DGKI: variants seen among roughly 807,000 people sequenced by gnomAD.
DGKI encodes the protein diacylglycerol kinase iota, also known as DAG kinase iota.
DGKI carries 55 observed loss-of-function variants against 147.5 expected under a neutral mutation model. The observed-to-expected ratio is 0.37, with a 90% CI of 0.30 to 0.47. The LOEUF (loss-of-function observed/expected upper bound fraction) is 0.47. Among genes scored for constraint, DGKI ranks in the 20% least tolerant of loss-of-function variants. The pLI, the probability that DGKI is intolerant of heterozygous loss-of-function variation, is 1.00. For synonymous variants in DGKI, 469 were observed against 477.1 expected, an observed-to-expected ratio of 0.98 and a Z score of 0.22; for missense variants, 1,007 against 1,323.8, an observed-to-expected ratio of 0.76 and a Z score of 3.71.
At chr7:137,800,151 T>C (rs565847845) in intron 1 of DGKI, among the ~76,000 whole-genome samples, 9 of 151,842 alleles carry the variant, frequency 5.9e-5, no homozygotes, top group African/African-American at 2.2e-4. Context: ...AAGGTTGGAG[T>C]TGAGATTGTT....
chr7:137,493,066 C>T (rs1424919965), intron 21 of DGKI, among the ~76,000 whole-genome samples: 2 of 152,166 alleles, frequency 1.3e-5, no homozygotes, highest in Admixed American at 6.5e-5. Flanking sequence ...ACCTTGCCTA[C>T]CCTTCCCTGC....
chr7:137,752,443 T>C lies in DGKI; in HGVS notation c.402-62441A>G, dbSNP rs555053397. On this transcript the variant is annotated intron_variant, in intron 1 of 32. Transcript: ENST00000614521. ...CGCTAAGGGAGGAGACCACCCCTCATATTGTCTTATGCCCAATTTCTGCCT... is the reference window on the plus strand; with the variant it reads ...CGCTAAGGGAGGAGACCACCCCTCACATTGTCTTATGCCCAATTTCTGCCT... Among the ~76,000 whole-genome samples, 4 of 152,308 alleles carry C rather than the reference T, an allele frequency of 2.6e-5. No homozygotes were observed. The East Asian group carries it at 7.7e-4, about 29-fold the overall frequency.
intron 1 of DGKI, among the ~76,000 whole-genome samples, chr7:137,836,321 T>C (rs1563220353): frequency 6.6e-6 from 1 of 152,354 alleles, no homozygotes; most frequent in South Asian, 2.1e-4. Context: ...CCTTTGGAAC[T>C]TTCTAGGTGT....
Position 137,767,139 on chromosome 7 carries a change from G to T in DGKI, c.402-77137C>A, listed in dbSNP as rs990377937. 2.0e-5 allele frequency among the ~76,000 whole-genome samples: 3 copies of T among 152,210 alleles called. No individual in the cohort carries two copies. The South Asian group carries it at 6.2e-4, about 32-fold the overall frequency. ...GCCACCCACGGAAGTTATCCTGTCA[G>T]CTCTTCAGAGCCTTGTTCATGTATG... On this transcript the variant is annotated intron_variant, in intron 1 of 32. Transcript: ENST00000614521.
intron 1 of DGKI, among the ~76,000 whole-genome samples, chr7:137,807,594 T>G (rs1797422060): frequency 6.6e-6 from 1 of 152,154 alleles, no homozygotes; most frequent in African/African-American, 2.4e-5. Flanking sequence ...CTGGGGACCC[T>G]GTTAAAATGC....
chr7:137,662,608 C>A (rs984807740), intron 3 of DGKI, among the ~76,000 whole-genome samples: 2 of 152,146 alleles, frequency 1.3e-5, no homozygotes, highest in Non-Finnish European at 2.9e-5. Context: ...TCTCATGATT[C>A]CAGACCAAGG....
At chr7:137,687,445 G>C (rs1171907940) in intron 2 of DGKI, among the ~76,000 whole-genome samples, 2 of 152,188 alleles carry the variant, frequency 1.3e-5, no homozygotes, top group African/African-American at 2.4e-5. Flanking sequence ...GGAGGAGAGG[G>C]AATGGCACAG....
chr7:137,594,533 A>G (rs1344727119), intron 12 of DGKI, among the ~76,000 whole-genome samples: 2 of 152,140 alleles, frequency 1.3e-5, no homozygotes, highest in East Asian at 3.9e-4. Context: ...AAAAATATTC[A>G]ATTTCTGATT....
chr7:137,718,918 T>A (rs1030929130), intron 1 of DGKI, among the ~76,000 whole-genome samples: 1 of 152,212 alleles, frequency 6.6e-6, no homozygotes, highest in Non-Finnish European at 1.5e-5. Context: ...TTCAGTATGA[T>A]GGACTTCTGT....
At chr7:137,556,467 G>A (rs2128968475) in intron 19 of DGKI, among the ~76,000 whole-genome samples, 1 of 152,120 alleles carries the variant, frequency 6.6e-6, no homozygotes, top group South Asian at 2.1e-4. Flanking sequence ...AAAATTCCAA[G>A]AAAATTCACA....
chr7:137,816,053 T>C (rs1031319468), intron 1 of DGKI, among the ~76,000 whole-genome samples: 11 of 152,202 alleles, frequency 7.2e-5, no homozygotes, highest in African/African-American at 2.7e-4. Context: ...ATCCTTTTCA[T>C]GTTAGCCTTC....
rs188021363 is a variant in DGKI at position 137,384,447 on chromosome 7, T to G, written c.*6773A>C. On this transcript the variant is annotated 3_prime_UTR_variant, in exon 33 of 33. Transcript: ENST00000614521. ...TTCTATATTATGGAAATCTGAACAA[T>G]TGATATAAAACATCCTTGAAGGCAA... 3 of 151,822 alleles carry G rather than the reference T, an allele frequency of 2.0e-5. No individual in the cohort carries two copies. The highest frequency in any genetic ancestry group is 7.3e-5 in the African/African-American group (3 of 41,368). The allele number at this position is 151,822 out of a possible 1,614,324, so 9.4% of individuals were successfully genotyped here. A position where few individuals can be genotyped will look rare whatever the true frequency, so the allele number is the denominator to read the frequency against.
chr7:137,426,002 C>A (rs1812787128), intron 28 of DGKI, among the ~76,000 whole-genome samples: 1 of 152,116 alleles, frequency 6.6e-6, no homozygotes, highest in African/African-American at 2.4e-5. Context: ...AGAACTTCCC[C>A]AATCTAAAAA....
intron 19 of DGKI, among the ~76,000 whole-genome samples, chr7:137,563,503 C>A (rs1818484912): frequency 6.6e-6 from 1 of 151,440 alleles, no homozygotes; most frequent in South Asian, 2.1e-4. Flanking sequence ...CTATTTCAAA[C>A]AATATAATTG....
chr7:137,779,585 T>C (rs1796458681), intron 1 of DGKI, among the ~76,000 whole-genome samples: 1 of 152,122 alleles, frequency 6.6e-6, no homozygotes, highest in Non-Finnish European at 1.5e-5. Flanking sequence ...TGTATCCAGA[T>C]TTTTTTAACT....
At chr7:137,611,646 T>C (rs1820367929) in intron 8 of DGKI, among the ~76,000 whole-genome samples, 1 of 152,142 alleles carries the variant, frequency 6.6e-6, no homozygotes, top group Non-Finnish European at 1.5e-5. Flanking sequence ...GGGACAGTTA[T>C]GAAGTTATAA....
At chr7:137,685,549 A>G (rs1455697686) in intron 2 of DGKI, among the ~76,000 whole-genome samples, 1 of 152,236 alleles carries the variant, frequency 6.6e-6, no homozygotes, top group African/African-American at 2.4e-5. Flanking sequence ...ACATGCTTCT[A>G]AATGGACTAA....
intron 1 of DGKI, among the ~76,000 whole-genome samples, chr7:137,825,787 C>T (rs956684004): frequency 1.2e-4 from 18 of 152,128 alleles, no homozygotes; most frequent in Admixed American, 1.3e-4. Context: ...CAGTAACAGA[C>T]TTGTTTTCTG....
At chr7:137,464,539 C>G (rs1222326293) in intron 26 of DGKI, among the ~76,000 whole-genome samples, 1 of 152,102 alleles carries the variant, frequency 6.6e-6, no homozygotes, top group Admixed American at 6.6e-5. Context: ...TCAGGTTACC[C>G]CTTGTGCCTG....
Sources: allele counts gnomAD v4.1 joint callset (sites outside exome capture counted in the v4.1 genomes callset), GRCh38; gene constraint gnomAD v4.1.1; transcripts MANE v1.5; gene names NCBI Gene and HGNC (gene_info 2026-07-23, HGNC 2026-07-21).